Variants in SNX24 observed in about 807,000 individuals in gnomAD.
SNX24 encodes sorting nexin-24.
SNX24 carries 22 observed loss-of-function variants against 28.7 expected under a neutral mutation model. The observed-to-expected ratio is 0.77, with a 90% CI of 0.55 to 1.10. The LOEUF (loss-of-function observed/expected upper bound fraction) is 1.10, where lower values mean the gene tolerates loss of function less well. Ranked by LOEUF, SNX24 falls within the 50% of genes least tolerant of loss-of-function variation. The pLI is 0.00. For synonymous variants in SNX24, 69 were observed against 71.5 expected (o/e 0.96, Z 0.18); for missense variants, 221 against 201.1 (o/e 1.10, Z -0.60).
At chr5:122,959,527 A>C (rs1760380398) in intron 3 of SNX24, among the ~76,000 whole-genome samples, 1 of 151,904 alleles carries the variant, frequency 6.6e-6, no homozygotes, top group Admixed American at 6.6e-5. Flanking sequence ...GAGCCACTAT[A>C]CCCAGCCTAA....
chr5:122,862,783 A>G (rs904715710), intron 1 of SNX24, among the ~76,000 whole-genome samples: 12 of 152,016 alleles, frequency 7.9e-5, no homozygotes, highest in African/African-American at 2.7e-4. Context: ...CTAACACACT[A>G]TTGGTGAGAC....
chr5:122,895,915 A>G (rs1168535682), intron 1 of SNX24, among the ~76,000 whole-genome samples: 1 of 152,198 alleles, frequency 6.6e-6, no homozygotes, highest in Non-Finnish European at 1.5e-5. Flanking sequence ...TTGGACAGCC[A>G]AGGTGGGCAA....
At position 123,001,991 on chromosome 5, in the gene SNX24, G is replaced by A. The variant is rs1489614107; in HGVS notation, c.429G>A (p.Leu143=). The A allele has an allele frequency of 1.9e-6, 3 of 1,613,980 alleles. No individual in the cohort carries two copies. Among genetic ancestry groups the A allele is most frequent in the Non-Finnish European group, 2.5e-6 (3 of 1,179,904 alleles). ...TGTTCCTCAGGGATCCATATGTCTT[G>A]CCTGCAGCCAGCGGTAATCAAACCT... The part of the protein sequence containing the change: ...VLLFLRDPYV[L]PAASDFPNVV... Residue 143 remains leucine, a synonymous_variant, in exon 6 of 7, where the codon TTG becomes TTA. Coordinates refer to ENST00000261369, the MANE Select transcript of SNX24 (RefSeq NM_014035.4).
intron 1 of SNX24, among the ~76,000 whole-genome samples, chr5:122,888,577 AGATCCAGAAT>A (rs1756817239): frequency 6.6e-6 from 1 of 152,234 alleles, no homozygotes; most frequent in Non-Finnish European, 1.5e-5. Context: ...AGAATATTGC[AGATCCAGAAT>A]GACCCAACAG....
chr5:122,847,752 C>G (rs916515161), intron 1 of SNX24, among the ~76,000 whole-genome samples: 1 of 152,140 alleles, frequency 6.6e-6, no homozygotes, highest in African/African-American at 2.4e-5. Flanking sequence ...CCTAGGCCTC[C>G]CAAAGTGCTG....
At chr5:122,871,434 A>C (rs1355918231) in intron 1 of SNX24, among the ~76,000 whole-genome samples, 1 of 152,172 alleles carries the variant, frequency 6.6e-6, no homozygotes, top group East Asian at 1.9e-4. Context: ...GATTCCGCAA[A>C]AGTGCATCTA....
chr5:122,897,552 T>C (rs1757254602), intron 1 of SNX24, among the ~76,000 whole-genome samples: 1 of 152,202 alleles, frequency 6.6e-6, no homozygotes, highest in South Asian at 2.1e-4. Flanking sequence ...AGAAATCTTT[T>C]TCAGGGGATG....
chr5:122,895,875 A>C (rs1757180549), intron 1 of SNX24, among the ~76,000 whole-genome samples: 1 of 152,098 alleles, frequency 6.6e-6, no homozygotes, highest in African/African-American at 2.4e-5. Flanking sequence ...AAGGCCGGGC[A>C]CAGTGGCTCA....
intron 3 of SNX24, among the ~76,000 whole-genome samples, chr5:122,975,267 T>C (rs1345559319): frequency 6.6e-6 from 1 of 152,178 alleles, no homozygotes; most frequent in Non-Finnish European, 1.5e-5. Context: ...AGCTCAATCC[T>C]CCTTGATTGT....
At chr5:122,940,674 C>G (rs930955049) in intron 2 of SNX24, among the ~76,000 whole-genome samples, 1 of 152,156 alleles carries the variant, frequency 6.6e-6, no homozygotes, top group African/African-American at 2.4e-5. Context: ...CAGGTTCAAA[C>G]GATTCTTCTT....
At chr5:122,934,969 T>G (rs930322452) in intron 1 of SNX24, among the ~76,000 whole-genome samples, 2 of 151,818 alleles carry the variant, frequency 1.3e-5, no homozygotes, top group African/African-American at 4.8e-5. Flanking sequence ...AGCCATTGTG[T>G]AATTTGTCTT....
intron 1 of SNX24, among the ~76,000 whole-genome samples, chr5:122,851,191 A>G (rs1322588241): frequency 1.3e-5 from 2 of 152,162 alleles, no homozygotes; most frequent in Non-Finnish European, 2.9e-5. Flanking sequence ...TTGAGACAAA[A>G]TCTCCCTGCG....
At chr5:122,887,040 T>A (rs1026273732) in intron 1 of SNX24, among the ~76,000 whole-genome samples, 11 of 152,182 alleles carry the variant, frequency 7.2e-5, no homozygotes, top group Admixed American at 7.2e-4. Context: ...TCCCATTGTT[T>A]CCCTCTGGGC....
chr5:122,976,470 C>G (rs1761169233), intron 3 of SNX24, among the ~76,000 whole-genome samples: 1 of 152,194 alleles, frequency 6.6e-6, no homozygotes, highest in South Asian at 2.1e-4. Context: ...CATATTATCA[C>G]TAGCCAAATA....
chr5:122,950,092 C>A (rs1479157958), intron 3 of SNX24, among the ~76,000 whole-genome samples: 2 of 152,144 alleles, frequency 1.3e-5, no homozygotes, highest in Non-Finnish European at 2.9e-5. Context: ...GGAAATCGAT[C>A]TCCTGTAAAA....
intron 3 of SNX24, chr5:122,998,275 G>A (rs574105650): frequency 9.2e-5 from 14 of 152,074 alleles, no homozygotes; most frequent in African/African-American, 3.1e-4. Flanking sequence ...TGAATGCATT[G>A]GTAGATGGGA....
chr5:123,024,688 G>T (rs999470439), intron 5 of SNX24, among the ~76,000 whole-genome samples: 1 of 152,224 alleles, frequency 6.6e-6, no homozygotes, highest in Admixed American at 6.5e-5. Context: ...TACTAGCTCA[G>T]TTCCCAAACT....
chr5:123,019,196 AG>A (rs1305253766), intron 5 of SNX24, among the ~76,000 whole-genome samples: 1 of 152,108 alleles, frequency 6.6e-6, no homozygotes, highest in Non-Finnish European at 1.5e-5. Flanking sequence ...TTAAATCCAC[AG>A]GATGAATTAC....
intron 1 of SNX24, among the ~76,000 whole-genome samples, chr5:122,885,239 C>G (rs1428398618): frequency 6.6e-6 from 1 of 152,068 alleles, no homozygotes; most frequent in African/African-American, 2.4e-5. Context: ...TTGCTTCCTT[C>G]CTGCTTGCCT....
Sources: gnomAD v4.1 joint callset for allele counts (sites outside exome capture counted in the v4.1 genomes callset) on GRCh38, gnomAD v4.1.1 for gene constraint, MANE v1.5 for transcripts, NCBI Gene and HGNC (gene_info 2026-07-23, HGNC 2026-07-21) for gene names.